Variants in LRMDA observed in about 807,000 individuals in gnomAD.
LRMDA encodes leucine rich melanocyte differentiation associated, also known as leucine-rich melanocyte differentiation-associated protein.
Under a neutral mutation model 29.8 loss-of-function variants are expected in LRMDA, and 18 were observed. The ratio of observed to expected loss-of-function variants is 0.60; its 90% CI spans 0.42 to 0.90. The LOEUF is 0.90. LRMDA is among the 40% of genes least tolerant of loss of function. The pLI, the probability that LRMDA is intolerant of heterozygous loss-of-function variation, is 0.00. For synonymous variants in LRMDA, 125 were observed against 109.4 expected, an observed-to-expected ratio of 1.14 and a Z score of -0.89; for missense variants, 273 against 273.9, an observed-to-expected ratio of 1.00 and a Z score of 0.02.
intron 5 of LRMDA, among the ~76,000 whole-genome samples, chr10:76,147,998 C>T (rs181866122): frequency 6.6e-6 from 1 of 152,190 alleles, no homozygotes; most frequent in South Asian, 2.1e-4. Flanking sequence ...TGCAGAACAG[C>T]GGATATTGGT....
intron 2 of LRMDA, among the ~76,000 whole-genome samples, chr10:75,495,416 G>A (rs529073231): frequency 1.3e-4 from 20 of 152,142 alleles, no homozygotes; most frequent in African/African-American, 4.8e-4. Flanking sequence ...TGGGCATGGA[G>A]GGGACCATTT....
At chr10:75,922,918 A>G (rs1846049916) in intron 2 of LRMDA, among the ~76,000 whole-genome samples, 1 of 152,134 alleles carries the variant, frequency 6.6e-6, no homozygotes. Context: ...ATCCATATTT[A>G]TCACACTCTT....
At chr10:76,432,601 A>G (rs1488371184) in intron 6 of LRMDA, among the ~76,000 whole-genome samples, 1 of 152,148 alleles carries the variant, frequency 6.6e-6, no homozygotes, top group East Asian at 1.9e-4. Context: ...CATTCAATAC[A>G]CTGGGGTCTA....
At chr10:75,499,834 G>A (rs750711624) in intron 2 of LRMDA, among the ~76,000 whole-genome samples, 2 of 152,160 alleles carry the variant, frequency 1.3e-5, no homozygotes, top group Non-Finnish European at 2.9e-5. Flanking sequence ...AAGGTGTCTA[G>A]AGCCAAGGTC....
chr10:75,965,850 C>T (rs1846850327), intron 2 of LRMDA, among the ~76,000 whole-genome samples: 1 of 152,224 alleles, frequency 6.6e-6, no homozygotes, highest in African/African-American at 2.4e-5. Context: ...GCCCAATCAT[C>T]TGTCATCCCT....
At chr10:76,423,939 G>A (rs1439447245) in intron 6 of LRMDA, among the ~76,000 whole-genome samples, 1 of 152,152 alleles carries the variant, frequency 6.6e-6, no homozygotes, top group Non-Finnish European at 1.5e-5. Flanking sequence ...TAGGCTGCGA[G>A]GGAAAATATC....
intron 2 of LRMDA, among the ~76,000 whole-genome samples, chr10:75,808,380 C>T (rs1379557401): frequency 6.6e-6 from 1 of 152,206 alleles, no homozygotes; most frequent in African/African-American, 2.4e-5. Context: ...AATATGAAAG[C>T]ATGTTTTGTG....
At chr10:75,490,006 G>T (rs1247293637) in intron 2 of LRMDA, among the ~76,000 whole-genome samples, 1 of 152,136 alleles carries the variant, frequency 6.6e-6, no homozygotes, top group Non-Finnish European at 1.5e-5. Context: ...TGGTGGTAAT[G>T]GTAAGTAATA....
At chr10:75,584,351 C>T (rs1840631812) in intron 2 of LRMDA, among the ~76,000 whole-genome samples, 1 of 152,192 alleles carries the variant, frequency 6.6e-6, no homozygotes, top group African/African-American at 2.4e-5. Context: ...GTGTTCCTCT[C>T]CTGTGTTTCT....
At chr10:76,489,115 T>C (rs1449593998) in intron 6 of LRMDA, among the ~76,000 whole-genome samples, 6 of 151,962 alleles carry the variant, frequency 3.9e-5, no homozygotes, top group Non-Finnish European at 8.8e-5. Flanking sequence ...AAATATTTGA[T>C]AGAATTCAGC....
intron 5 of LRMDA, among the ~76,000 whole-genome samples, chr10:76,127,662 G>T (rs772947588): frequency 2.0e-5 from 3 of 150,444 alleles, no homozygotes; most frequent in Admixed American, 6.6e-5. Context: ...GTGTAGATAA[G>T]GCAGTTGTAA....
intron 2 of LRMDA, among the ~76,000 whole-genome samples, chr10:75,907,846 G>T (rs1413000001): frequency 2.6e-5 from 4 of 152,172 alleles, no homozygotes; most frequent in Admixed American, 6.5e-5. Flanking sequence ...CCCAGGGCTT[G>T]CCATACCCAG....
intron 2 of LRMDA, among the ~76,000 whole-genome samples, chr10:75,872,058 C>T (rs75262540): frequency 0.01 from 1,597 of 152,322 alleles, 20 homozygotes; most frequent in African/African-American, 0.034. Context: ...CTTGACAAAG[C>T]ACCCCATCTC....
chr10:76,041,830 A>G (rs1011012455), intron 3 of LRMDA, among the ~76,000 whole-genome samples: 2 of 152,144 alleles, frequency 1.3e-5, no homozygotes, highest in African/African-American at 4.8e-5. Flanking sequence ...AGTACCCCGG[A>G]GAAGACTTGA....
rs1320056095 is a variant in LRMDA, at chr10:76,432,742, C to A, written c.601+108257C>A. Among the ~76,000 whole-genome samples, 3 of 152,326 alleles carry A rather than the reference C, an allele frequency of 2.0e-5. No homozygotes were observed. In the South Asian group the frequency reaches 6.2e-4, roughly 32 times the overall value. ...GAATAGGCTTATCACTGGCTCATGT[C>A]ACTGCCAGTTAGTCATGGACCCTAG... On this transcript the variant is annotated intron_variant, in intron 6 of 6. Coordinates refer to ENST00000611255, the MANE Select transcript of LRMDA (RefSeq NM_001305581.2).
intron 5 of LRMDA, among the ~76,000 whole-genome samples, chr10:76,092,205 T>C (rs1367962770): frequency 6.6e-6 from 1 of 152,212 alleles, no homozygotes; most frequent in Admixed American, 6.5e-5. Flanking sequence ...TAATGAATCA[T>C]AGGACAAATT....
chr10:76,417,662 G>T (rs566603061), intron 6 of LRMDA, among the ~76,000 whole-genome samples: 1 of 152,106 alleles, frequency 6.6e-6, no homozygotes, highest in Admixed American at 6.6e-5. Flanking sequence ...TTTTGTTGTT[G>T]TTGTTCAATG....
At chr10:76,509,502 A>G (rs552447497) in intron 6 of LRMDA, among the ~76,000 whole-genome samples, 2 of 152,358 alleles carry the variant, frequency 1.3e-5, no homozygotes, top group South Asian at 4.1e-4. Flanking sequence ...CTGGGTGTAC[A>G]TGCTAATACA....
At chr10:75,823,635 G>T (rs1338741132) in intron 2 of LRMDA, among the ~76,000 whole-genome samples, 1 of 151,728 alleles carries the variant, frequency 6.6e-6, no homozygotes, top group African/African-American at 2.4e-5. Context: ...CTACCCGAAA[G>T]CTATACAATC....
Sources: gnomAD v4.1 joint callset for allele counts (sites outside exome capture counted in the v4.1 genomes callset) on GRCh38, gnomAD v4.1.1 for gene constraint, MANE v1.5 for transcripts, NCBI Gene and HGNC (gene_info 2026-07-23, HGNC 2026-07-21) for gene names.